Variants in UTRN observed in about 807,000 individuals in gnomAD.
UTRN encodes utrophin, also known as dystrophin-related protein 1.
In UTRN, 283 loss-of-function variants were observed where a neutral mutation model predicts 463.9. The ratio of observed to expected loss-of-function variants is 0.61; its 90% CI spans 0.55 to 0.67. The LOEUF is 0.67. Ranked by LOEUF, UTRN falls within the 30% of genes least tolerant of loss-of-function variation. The probability of loss-of-function intolerance (pLI) is 0.00; values close to 1 mark genes in which losing one functional copy is unlikely to be tolerated. For synonymous variants in UTRN, 1,442 were observed against 1,431.5 expected (o/e 1.01, Z -0.17); for missense variants, 3,922 against 4,084.3 (o/e 0.96, Z 1.08).
intron 54 of UTRN, among the ~76,000 whole-genome samples, chr6:144,743,055 AAT>A (rs1476892557): frequency 2.2e-4 from 33 of 152,338 alleles, no homozygotes; most frequent in African/African-American, 7.5e-4. Flanking sequence ...ATGAAGTGAA[AAT>A]ATGTCCACTT....
At chr6:144,608,457 G>C (rs1407902250) in intron 51 of UTRN, among the ~76,000 whole-genome samples, 1 of 152,134 alleles carries the variant, frequency 6.6e-6, no homozygotes, top group East Asian at 1.9e-4. Flanking sequence ...CTATCATCAG[G>C]CAAGAATACC....
intron 63 of UTRN, among the ~76,000 whole-genome samples, chr6:144,795,174 A>G (rs1381811884): frequency 6.6e-6 from 1 of 152,100 alleles, no homozygotes; most frequent in Non-Finnish European, 1.5e-5. Flanking sequence ...TTCCAGCTTC[A>G]TCCATTTCCC....
chr6:144,691,314 G>A (rs1242328366), intron 52 of UTRN, among the ~76,000 whole-genome samples: 5 of 152,036 alleles, frequency 3.3e-5, no homozygotes, highest in Admixed American at 1.3e-4. Flanking sequence ...ACAAGGTTTC[G>A]CCATATTGGC....
At chr6:144,758,726 C>T (rs1422265018) in intron 58 of UTRN, among the ~76,000 whole-genome samples, 2 of 152,076 alleles carry the variant, frequency 1.3e-5, no homozygotes, top group African/African-American at 4.8e-5. Context: ...TCTATAGTCC[C>T]TTGGAGTGTA....
chr6:144,664,859 CTATTA>C (rs1305429885), intron 51 of UTRN, among the ~76,000 whole-genome samples: 1 of 151,308 alleles, frequency 6.6e-6, no homozygotes, highest in Non-Finnish European at 1.5e-5. Flanking sequence ...TTTGCCTATT[CTATTA>C]TTATTTAAGT....
At chr6:144,406,055 C>A (rs527331687) in intron 3 of UTRN, among the ~76,000 whole-genome samples, 1 of 152,184 alleles carries the variant, frequency 6.6e-6, no homozygotes, top group African/African-American at 2.4e-5. Flanking sequence ...AATTATTACT[C>A]CTTGGATAGA....
chr6:144,408,342 C>A (rs1361959720), intron 3 of UTRN, among the ~76,000 whole-genome samples: 1 of 152,214 alleles, frequency 6.6e-6, no homozygotes, highest in Non-Finnish European at 1.5e-5. Context: ...GCAGCAAAGG[C>A]CTCATTGCTT....
chr6:144,309,597 C>T (rs144173204), intron 2 of UTRN, among the ~76,000 whole-genome samples: 68 of 152,258 alleles, frequency 4.5e-4, no homozygotes, highest in African/African-American at 1.5e-3. Context: ...TCATATTTTA[C>T]GATCTCCACT....
chr6:144,708,259 A>G (rs1171428740), intron 53 of UTRN: 1 of 648,036 alleles, frequency 1.5e-6, no homozygotes, highest in Admixed American at 2.0e-5. Flanking sequence ...TTGCTTCAAT[A>G]CTTGGAATTG....
intron 51 of UTRN, among the ~76,000 whole-genome samples, chr6:144,581,960 T>C (rs1169572133): frequency 1.3e-5 from 2 of 152,194 alleles, no homozygotes; most frequent in African/African-American, 4.8e-5. Context: ...CACTTTTGGC[T>C]TTACACAGAT....
chr6:144,637,160 G>C (rs1467882258), intron 51 of UTRN, among the ~76,000 whole-genome samples: 2 of 152,110 alleles, frequency 1.3e-5, no homozygotes, highest in African/African-American at 2.4e-5. Flanking sequence ...GGTAGAGACA[G>C]GGTCTTGCCA....
chr6:144,454,947 G>A (rs889273037), intron 19 of UTRN, among the ~76,000 whole-genome samples: 32 of 152,060 alleles, frequency 2.1e-4, no homozygotes, highest in African/African-American at 7.7e-4. Flanking sequence ...TTTTGGGTTA[G>A]TCACCTTCCT....
intron 51 of UTRN, among the ~76,000 whole-genome samples, chr6:144,648,654 G>C (rs1484202584): frequency 6.6e-6 from 1 of 152,174 alleles, no homozygotes; most frequent in Non-Finnish European, 1.5e-5. Context: ...CAGATCTGCA[G>C]GGTAACTTGG....
intron 25 of UTRN, among the ~76,000 whole-genome samples, chr6:144,476,801 A>T (rs1791253951): frequency 2.0e-5 from 3 of 152,178 alleles, no homozygotes; most frequent in Non-Finnish European, 4.4e-5. Context: ...GTGGGAAAAA[A>T]GTCATAGTGG....
At chr6:144,318,353 G>A (rs1775414300) in intron 2 of UTRN, among the ~76,000 whole-genome samples, 1 of 152,142 alleles carries the variant, frequency 6.6e-6, no homozygotes, top group African/African-American at 2.4e-5. Context: ...GGAATGCAGT[G>A]GTGGGATCTC....
At chr6:144,325,578 G>A (rs550056517) in intron 2 of UTRN, among the ~76,000 whole-genome samples, 1 of 152,278 alleles carries the variant, frequency 6.6e-6, no homozygotes, top group African/African-American at 2.4e-5. Context: ...TCCCATCGCT[G>A]ATCAGCCACC....
At chr6:144,740,153 A>G (rs1343677158) in intron 54 of UTRN, among the ~76,000 whole-genome samples, 1 of 152,180 alleles carries the variant, frequency 6.6e-6, no homozygotes, top group Non-Finnish European at 1.5e-5. Context: ...CAAAATACAA[A>G]CTAAGGCTTA....
chr6:144,322,942 CA>C (rs554231419), intron 2 of UTRN, among the ~76,000 whole-genome samples: 6,576 of 86,424 alleles, frequency 0.076, 356 homozygotes, highest in East Asian at 0.24. Context: ...GACTCCGTCT[CA>C]AAAAAAAAAA....
intron 57 of UTRN, among the ~76,000 whole-genome samples, chr6:144,755,934 C>T (rs905721141): frequency 6.6e-5 from 10 of 151,966 alleles, no homozygotes; most frequent in Non-Finnish European, 1.2e-4. Flanking sequence ...TCATTTTCTG[C>T]CCCTTCCTGC....
Sources: allele counts gnomAD v4.1 joint callset (sites outside exome capture counted in the v4.1 genomes callset), GRCh38; gene constraint gnomAD v4.1.1; transcripts MANE v1.5; gene names NCBI Gene and HGNC (gene_info 2026-07-23, HGNC 2026-07-21).